HSPA4L: variants seen among roughly 807,000 people sequenced by gnomAD.
The protein encoded by HSPA4L is heat shock protein family A (Hsp70) member 4 like, also known as heat shock 70 kDa protein 4L.
In HSPA4L, 48 loss-of-function variants were observed where a neutral mutation model predicts 100.3. The observed-to-expected ratio is 0.48, with a 90% CI of 0.38 to 0.61. The LOEUF (loss-of-function observed/expected upper bound fraction) is 0.61, where lower values mean the gene tolerates loss of function less well. Among genes scored for constraint, HSPA4L ranks in the 20% least tolerant of loss-of-function variants. The pLI is 0.00. For synonymous variants in HSPA4L, 319 were observed against 328.2 expected (o/e 0.97, Z 0.30); for missense variants, 886 against 988.6 (o/e 0.90, Z 1.39).
At chr4:127,824,621 A>G (rs1553934763) in intron 16 of HSPA4L, among the ~76,000 whole-genome samples, 1 of 152,150 alleles carries the variant, frequency 6.6e-6, no homozygotes, top group Non-Finnish European at 1.5e-5. Context: ...TAAAGGAGTC[A>G]CCCTCTTCTC....
At chr4:127,787,359 T>C (rs1732748261) in intron 1 of HSPA4L, among the ~76,000 whole-genome samples, 1 of 152,120 alleles carries the variant, frequency 6.6e-6, no homozygotes, top group Non-Finnish European at 1.5e-5. Context: ...ACTACATGAG[T>C]TGGTTTTATA....
chr4:127,830,727 G>T lies in HSPA4L; in HGVS notation c.2256G>T (p.Met752Ile), dbSNP rs753528822. The T allele has an allele frequency of 3.1e-6, 5 of 1,610,514 alleles. No homozygotes were observed. The highest frequency in any genetic ancestry group is 1.7e-5 in the Admixed American group (1 of 59,598). The stretch of plus-strand genomic sequence containing the variant: ...CCATGAGTTGGCTGAATAGTAAGAT[G>T]AATGCACAGAACAAACTAAGTCTCA... Reference protein sequence around the residue: ...SDAMSWLNSKMNAQNKLSLTQ... With the variant: ...SDAMSWLNSKINAQNKLSLTQ... The change falls in exon 18 of 19, where the codon ATG becomes ATT. Residue 752 changes from methionine to isoleucine, a missense_variant. Coordinates refer to ENST00000296464, the MANE Select transcript of HSPA4L (RefSeq NM_014278.4).
At chr4:127,827,176 GA>G in intron 16 of HSPA4L, 128 bp from the exon 17 acceptor site, 5 of 715,780 alleles carry the variant, frequency 7.0e-6, no homozygotes, top group Non-Finnish European at 9.0e-6. Flanking sequence ...TTCCATACAG[GA>G]AAATAAGAGG....
In HSPA4L at chr4:127,798,702, T is replaced by C; in HGVS notation, c.422T>C (p.Val141Ala). ...NALKKPVADC[V>A]ISIPSFFTDA... Reference sequence around the variant, plus strand: ...TTGAAGAAACCAGTGGCTGACTGTGTGATTTCAGTAAGTTTTACTTCAGTA... The same window carrying C: ...TTGAAGAAACCAGTGGCTGACTGTGCGATTTCAGTAAGTTTTACTTCAGTA... The change falls in exon 4 of 19, where the codon GTG becomes GCG. Residue 141 changes from valine (V) to alanine (A), a missense_variant. Coordinates refer to ENST00000296464, the MANE Select transcript of HSPA4L (RefSeq NM_014278.4). 1.2e-6 allele frequency: 2 copies of C among 1,613,528 alleles called. No homozygotes were observed. Among genetic ancestry groups the C allele is most frequent in the Non-Finnish European group, 1.7e-6 (2 of 1,179,628 alleles).
At chr4:127,813,647 TTTG>T (rs1184884113) in intron 12 of HSPA4L, among the ~76,000 whole-genome samples, 6 of 152,184 alleles carry the variant, frequency 3.9e-5, no homozygotes, top group East Asian at 1.9e-4. Context: ...TATCTATTTT[TTTG>T]TTGTTGTTGT....
chr4:127,805,807 A>G lies in HSPA4L; in HGVS notation c.1244+14A>G. 6.5e-7 allele frequency: 1 copy of G among 1,529,138 alleles called. No homozygotes were observed. The highest frequency in any genetic ancestry group is 1.1e-5 in the South Asian group (1 of 88,400). The allele number at this position is 1,529,138 out of a possible 1,614,324, so 94.7% of individuals were successfully genotyped here. ...AGATGGAAGTGGGTAAGTTATTTTT[A>G]AAACCTTGATTAGAGCTTGTCATAA... On this transcript the variant is annotated intron_variant, in intron 10 of 18. Transcript: ENST00000296464.
At chr4:127,789,672 T>C (rs1309339136) in intron 1 of HSPA4L, among the ~76,000 whole-genome samples, 2 of 152,090 alleles carry the variant, frequency 1.3e-5, no homozygotes, top group Admixed American at 6.6e-5. Flanking sequence ...AACCCTCCCT[T>C]TATTTTAGCC....
At chr4:127,828,536 A>T (rs774691646) in intron 17 of HSPA4L, among the ~76,000 whole-genome samples, 4 of 152,144 alleles carry the variant, frequency 2.6e-5, no homozygotes, top group African/African-American at 9.6e-5. Flanking sequence ...TCTGACATCA[A>T]TATACAAATT....
chr4:127,820,583 GA>G lies in HSPA4L; in HGVS notation c.1812+19del. 6.9e-6 allele frequency: 11 copies of G among 1,586,170 alleles called. No individual in the cohort carries two copies. Among genetic ancestry groups the G allele is most frequent in the Non-Finnish European group, 7.7e-6 (9 of 1,171,100 alleles). On this transcript the variant is annotated intron_variant, in intron 14 of 18. Transcript: ENST00000296464. ...AAAATGAGGTATGTAAATCTGAGTTGATGCTGAAATAGGTGGTAGTTTATTC... is the reference window on the plus strand; with the variant it reads ...AAAATGAGGTATGTAAATCTGAGTTGTGCTGAAATAGGTGGTAGTTTATTC...
Position 127,801,120 on chromosome 4 carries a change from G to T in HSPA4L, c.430-18G>T. On this transcript the variant is annotated intron_variant, in intron 4 of 18. Transcript: ENST00000296464. ...TTTACATAAAACATTATACTTAACT[G>T]TTGTTTTTAAATACTAGATTCCTAG... 10 of 1,563,284 alleles carry T rather than the reference G, an allele frequency of 6.4e-6. No individual in the cohort carries two copies. Among genetic ancestry groups the T allele is most frequent in the Non-Finnish European group, 8.8e-6 (10 of 1,141,124 alleles).
intron 11 of HSPA4L, chr4:127,809,286 GC>G (rs1733459059): frequency 7.8e-7 from 1 of 1,287,588 alleles, no homozygotes; most frequent in Non-Finnish European, 1.1e-6. Flanking sequence ...TCATCCTGGA[GC>G]TAGCATTGCA....
intron 17 of HSPA4L, 68 bp downstream of exon 17, chr4:127,827,492 A>G: frequency 1.3e-6 from 2 of 1,561,284 alleles, no homozygotes; most frequent in South Asian, 2.3e-5. Context: ...GGCAAATCTA[A>G]AAGTTCTCAG....
chr4:127,812,690 G>T, intron 12 of HSPA4L: 6 of 773,266 alleles, frequency 7.8e-6, no homozygotes, highest in South Asian at 4.5e-5. Context: ...TAGCCCAGAG[G>T]TCCTTTATTT....
chr4:127,801,458 CGTGTGTGTGTGTGT>C (rs33966471), intron 5 of HSPA4L, among the ~76,000 whole-genome samples: 69,589 of 144,672 alleles, frequency 0.48, 18,400 homozygotes, highest in Middle Eastern at 0.7. Flanking sequence ...TATAAAAATA[CGTGTGTGTGTGTGT>C]GTGTGTGTGT....
intron 14 of HSPA4L, among the ~76,000 whole-genome samples, chr4:127,821,422 G>A (rs1263724975): frequency 5.3e-5 from 8 of 152,090 alleles, no homozygotes; most frequent in Admixed American, 5.2e-4. Context: ...TTTATAAAGG[G>A]ATTCTTAACG....
chr4:127,791,821 T>G (rs181976293), intron 1 of HSPA4L, among the ~76,000 whole-genome samples: 1 of 152,348 alleles, frequency 6.6e-6, no homozygotes, highest in East Asian at 1.9e-4. Flanking sequence ...TTCTTGCTGT[T>G]ACAAACTTTT....
chr4:127,828,354 G>T (rs1007471087), intron 17 of HSPA4L, among the ~76,000 whole-genome samples: 1 of 152,030 alleles, frequency 6.6e-6, no homozygotes, highest in African/African-American at 2.4e-5. Flanking sequence ...TACATTTATT[G>T]TGCACATCAT....
At chr4:127,804,324 G>C (rs1733285255) in intron 8 of HSPA4L, among the ~76,000 whole-genome samples, 1 of 151,850 alleles carries the variant, frequency 6.6e-6, no homozygotes. Context: ...TGCTAGTTCT[G>C]GCCAAGCACG....
chr4:127,796,886 G>A (rs754923135), intron 3 of HSPA4L, among the ~76,000 whole-genome samples: 2 of 152,164 alleles, frequency 1.3e-5, no homozygotes, highest in East Asian at 1.9e-4. Flanking sequence ...TTAGATAATG[G>A]TGATCAGTGC....
Sources: gnomAD v4.1 joint callset for allele counts (sites outside exome capture counted in the v4.1 genomes callset) on GRCh38, gnomAD v4.1.1 for gene constraint, MANE v1.5 for transcripts, NCBI Gene and HGNC (gene_info 2026-07-23, HGNC 2026-07-21) for gene names.